ZC3H13: variants seen among roughly 807,000 people sequenced by gnomAD.
ZC3H13 encodes the protein zinc finger CCCH domain-containing protein 13.
ZC3H13 carries 64 observed loss-of-function variants against 204.1 expected under a neutral mutation model. That is an observed-to-expected ratio of 0.31 (90% CI 0.26 to 0.39). The LOEUF (loss-of-function observed/expected upper bound fraction) is 0.39. ZC3H13 is among the 10% of genes least tolerant of loss of function. The pLI is 1.00. For synonymous variants in ZC3H13, 667 were observed against 693.7 expected (o/e 0.96, Z 0.60); for missense variants, 1,833 against 2,082.7 (o/e 0.88, Z 2.33).
At position 46,021,417 on chromosome 13, in the gene ZC3H13, TCTTA is replaced by T. The variant is rs575780596; in HGVS notation, c.340-864_340-861del. On this transcript the variant is annotated intron_variant, in intron 4 of 18. Coordinates refer to ENST00000679008, the MANE Select transcript of ZC3H13 (RefSeq NM_001330564.2). ...TTGTTATCTTCCACCACAGCAGAAG[TCTTA>T]CTTTTACTAACATTGTAAATACTAT... is the stretch of plus-strand genomic sequence containing the variant. Among the ~76,000 whole-genome samples, 5 of 152,054 alleles carry T rather than the reference TCTTA, an allele frequency of 3.3e-5. No individual in the cohort carries two copies. In the South Asian group the frequency reaches 1.0e-3, roughly 31 times the overall value.
rs1252177086 is a variant in ZC3H13, at chr13:45,959,454, T to C, written c.4839+29A>G. 11 of 1,509,096 alleles carry C rather than the reference T, an allele frequency of 7.3e-6. No homozygotes were observed. In the East Asian group the frequency reaches 2.5e-4, roughly 35 times the overall value. The allele number at this position is 1,509,096 out of a possible 1,614,324, so 93.5% of individuals were successfully genotyped here. On this transcript the variant is annotated intron_variant, in intron 18 of 18. Coordinates refer to ENST00000679008, the MANE Select transcript of ZC3H13 (RefSeq NM_001330564.2). ...AAATAGGCCATTCACACTATTCACT[T>C]TGTATTTTTTCCAAGGAAATAACAG...
At chr13:46,001,616 C>T (rs2040749136) in intron 8 of ZC3H13, among the ~76,000 whole-genome samples, 1 of 152,122 alleles carries the variant, frequency 6.6e-6, no homozygotes, top group Non-Finnish European at 1.5e-5. Context: ...TATTCAACTC[C>T]TCATAACACA....
At chr13:45,991,263 C>T (rs1593569994) in intron 8 of ZC3H13, among the ~76,000 whole-genome samples, 1 of 152,104 alleles carries the variant, frequency 6.6e-6, no homozygotes, top group East Asian at 1.9e-4. Flanking sequence ...CAAAACAGTT[C>T]ACATATACTA....
At chr13:46,011,857 C>T (rs2138669574) in intron 5 of ZC3H13, among the ~76,000 whole-genome samples, 1 of 152,266 alleles carries the variant, frequency 6.6e-6, no homozygotes, top group East Asian at 1.9e-4. Context: ...ACAAAATGCA[C>T]TCAGCTGAAT....
intron 1 of ZC3H13, among the ~76,000 whole-genome samples, chr13:46,047,677 C>T (rs113904875): frequency 1.3e-5 from 2 of 151,406 alleles, no homozygotes; most frequent in Admixed American, 6.6e-5. Context: ...ACTTTTTTAA[C>T]AATATATATC....
At chr13:46,008,327 AAAAAAG>A (rs1381507075) in intron 7 of ZC3H13, among the ~76,000 whole-genome samples, 2 of 152,172 alleles carry the variant, frequency 1.3e-5, no homozygotes, top group Non-Finnish European at 2.9e-5. Context: ...TCCAAAAAAA[AAAAAAG>A]AAAAGAAATG....
chr13:46,039,096 T>C (rs1012831952), intron 4 of ZC3H13, among the ~76,000 whole-genome samples: 1 of 152,206 alleles, frequency 6.6e-6, no homozygotes, highest in South Asian at 2.1e-4. Context: ...GTTTAGATAG[T>C]GTATTACCTA....
chr13:46,046,139 A>G (rs2043937204), intron 1 of ZC3H13, among the ~76,000 whole-genome samples: 1 of 152,186 alleles, frequency 6.6e-6, no homozygotes. Flanking sequence ...AAACAAAACA[A>G]AACTCAATGT....
chr13:45,962,704 A>G (rs1951778040), intron 17 of ZC3H13: 1 of 981,798 alleles, frequency 1.0e-6, no homozygotes, highest in Non-Finnish European at 1.2e-6. Context: ...AACTCATAAA[A>G]CAATATTTTT....
chr13:46,013,303 A>G (rs1175868899), intron 5 of ZC3H13, among the ~76,000 whole-genome samples: 1 of 152,078 alleles, frequency 6.6e-6, no homozygotes, highest in Non-Finnish European at 1.5e-5. Context: ...AGTCCCAGCT[A>G]CTCAGGAGTC....
intron 4 of ZC3H13, among the ~76,000 whole-genome samples, chr13:46,039,586 C>T (rs1044413184): frequency 6.6e-6 from 1 of 152,094 alleles, no homozygotes; most frequent in African/African-American, 2.4e-5. Flanking sequence ...ATACTAATAA[C>T]AATTCATCTA....
rs576813800 is a variant in ZC3H13, at chr13:45,963,963, T to C, written c.4554A>G (p.Ala1518=). The C allele has an allele frequency of 6.2e-7, 1 of 1,614,126 alleles. No homozygotes were observed. The highest frequency in any genetic ancestry group is 2.2e-5 in the East Asian group (1 of 44,874). Residue 1518 remains alanine, a synonymous_variant, in exon 17 of 19, where the codon GCA becomes GCG. Transcript: ENST00000679008. ...CAGCTCCAGGTGTGAATTTTAAGAGTGCAGCCCCAGGCTCTCGTGGTTCTT... is the reference window on the plus strand; with the variant it reads ...CAGCTCCAGGTGTGAATTTTAAGAGCGCAGCCCCAGGCTCTCGTGGTTCTT... ...HPKEPREPGA[A]LLKFTPGAVM... is the part of the protein sequence containing the mutation.
intron 5 of ZC3H13, among the ~76,000 whole-genome samples, chr13:46,014,503 T>G (rs1354871017): frequency 2.6e-5 from 4 of 152,244 alleles, no homozygotes; most frequent in Admixed American, 1.3e-4. Context: ...GTGAATTGCC[T>G]TGTTACATCA....
intron 4 of ZC3H13, among the ~76,000 whole-genome samples, chr13:46,032,619 T>C (rs185673157): frequency 1.2e-4 from 18 of 152,298 alleles, no homozygotes; most frequent in Middle Eastern, 3.4e-3. Flanking sequence ...GCATTTACCC[T>C]TTGACACAGC....
At chr13:46,021,689 G>T (rs1333892693) in intron 4 of ZC3H13, among the ~76,000 whole-genome samples, 1 of 151,818 alleles carries the variant, frequency 6.6e-6, no homozygotes, top group African/African-American at 2.4e-5. Context: ...AAAATAATTT[G>T]TAAGTTATAT....
At chr13:45,961,966 A>G (rs1320310568) in intron 17 of ZC3H13, among the ~76,000 whole-genome samples, 3 of 152,104 alleles carry the variant, frequency 2.0e-5, no homozygotes, top group Non-Finnish European at 4.4e-5. Flanking sequence ...ACACTTATAA[A>G]TTTTCTGTTT....
At chr13:46,037,822 CA>C (rs1336272423) in intron 4 of ZC3H13, among the ~76,000 whole-genome samples, 16 of 152,132 alleles carry the variant, frequency 1.1e-4, no homozygotes, top group African/African-American at 3.9e-4. Context: ...CCAGCATATC[CA>C]AAATCATTGT....
intron 9 of ZC3H13, among the ~76,000 whole-genome samples, chr13:45,988,073 C>G (rs1173893953): frequency 2.6e-5 from 4 of 152,146 alleles, no homozygotes; most frequent in Admixed American, 2.0e-4. Flanking sequence ...AGCCCTCACT[C>G]CTTTATCAAA....
rs541818557 is a variant in ZC3H13, at chr13:45,983,587, C to T, written c.1720+1710G>A. 9.3e-4 allele frequency among the ~76,000 whole-genome samples: 138 copies of T among 149,076 alleles called. 1 individual carries two copies. The highest frequency in any genetic ancestry group is 1.6e-3 in the Non-Finnish European group (110 of 67,410). Reference sequence around the variant, plus strand: ...GATTACAGGCGCCCACCACCACGCCCGGCTAATTTTTTTGTATTTTTAGTA... The same window carrying T: ...GATTACAGGCGCCCACCACCACGCCTGGCTAATTTTTTTGTATTTTTAGTA... On this transcript the variant is annotated intron_variant, in intron 10 of 18. Coordinates refer to ENST00000679008, the MANE Select transcript of ZC3H13 (RefSeq NM_001330564.2).
Sources: gnomAD v4.1 joint callset for allele counts (sites outside exome capture counted in the v4.1 genomes callset) on GRCh38, gnomAD v4.1.1 for gene constraint, MANE v1.5 for transcripts, NCBI Gene and HGNC (gene_info 2026-07-23, HGNC 2026-07-21) for gene names.